Variants in STPG2 observed in about 807,000 individuals in gnomAD.
The protein encoded by STPG2 is sperm-tail PG-rich repeat-containing protein 2.
STPG2 carries 56 observed loss-of-function variants against 54.2 expected under a neutral mutation model. The ratio of observed to expected loss-of-function variants is 1.03; its 90% confidence interval spans 0.83 to 1.29. The LOEUF (loss-of-function observed/expected upper bound fraction) is 1.29. Among genes scored for constraint, STPG2 ranks in the 50% most tolerant of loss-of-function variants. The pLI is 0.00. For synonymous variants in STPG2, 200 were observed against 181.8 expected, an observed-to-expected ratio of 1.10 and a Z score of -0.81; for missense variants, 596 against 544.9, an observed-to-expected ratio of 1.09 and a Z score of -0.93.
At chr4:97,714,625 T>A (rs1464462075) in intron 9 of STPG2, among the ~76,000 whole-genome samples, 1 of 152,148 alleles carries the variant, frequency 6.6e-6, no homozygotes, top group Non-Finnish European at 1.5e-5. Context: ...TAATATAATT[T>A]ATATTTATAG....
At chr4:97,933,807 G>C (rs1363571340) in intron 8 of STPG2, among the ~76,000 whole-genome samples, 3 of 152,152 alleles carry the variant, frequency 2.0e-5, no homozygotes, top group Admixed American at 2.0e-4. Flanking sequence ...GATGCCTCCA[G>C]CTTTGCTCTT....
chr4:97,813,677 TAAAAAAAAA>T (rs869298230), intron 9 of STPG2, among the ~76,000 whole-genome samples: 46 of 45,938 alleles, frequency 1.0e-3, no homozygotes, highest in Middle Eastern at 0.025. Context: ...CCCTGTCTCT[TAAAAAAAAA>T]AAAAAAAAAA....
At chr4:97,896,626 C>A (rs1215364451) in intron 8 of STPG2, among the ~76,000 whole-genome samples, 1 of 151,708 alleles carries the variant, frequency 6.6e-6, no homozygotes, top group Non-Finnish European at 1.5e-5. Flanking sequence ...TTTATTCCTA[C>A]ATAAAAGTAA....
chr4:98,139,477 G>T (rs1172652352), intron 1 of STPG2, among the ~76,000 whole-genome samples: 1 of 152,146 alleles, frequency 6.6e-6, no homozygotes, highest in Non-Finnish European at 1.5e-5. Flanking sequence ...TCCATAAAAT[G>T]AACCTGACCC....
intron 5 of STPG2, among the ~76,000 whole-genome samples, chr4:98,085,502 G>A (rs1738478561): frequency 6.6e-6 from 1 of 151,924 alleles, no homozygotes; most frequent in African/African-American, 2.4e-5. Flanking sequence ...TAATAGTATT[G>A]CATCTTTCAA....
intron 9 of STPG2, among the ~76,000 whole-genome samples, chr4:97,743,260 T>C (rs905652183): frequency 2.0e-5 from 3 of 151,722 alleles, no homozygotes; most frequent in African/African-American, 7.2e-5. Context: ...TTTATTATTC[T>C]CCACACCTAG....
At chr4:98,022,880 A>G (rs1736271343) in intron 5 of STPG2, among the ~76,000 whole-genome samples, 1 of 152,116 alleles carries the variant, frequency 6.6e-6, no homozygotes, top group African/African-American at 2.4e-5. Flanking sequence ...AGCTCCTTTA[A>G]GCACTTCTCT....
chr4:97,901,158 A>C (rs1229623170), intron 8 of STPG2, among the ~76,000 whole-genome samples: 1 of 151,956 alleles, frequency 6.6e-6, no homozygotes, highest in African/African-American at 2.4e-5. Context: ...TATTTATATC[A>C]TTGTGTCCCA....
At chr4:98,018,494 T>G (rs1251046173) in intron 5 of STPG2, among the ~76,000 whole-genome samples, 1 of 152,218 alleles carries the variant, frequency 6.6e-6, no homozygotes, top group African/African-American at 2.4e-5. Flanking sequence ...GCATGTGTCT[T>G]TATAGCAGCA....
intron 5 of STPG2, among the ~76,000 whole-genome samples, chr4:98,074,600 T>C (rs953141718): frequency 4.6e-5 from 7 of 152,188 alleles, no homozygotes; most frequent in Admixed American, 2.6e-4. Context: ...CTATACCTTC[T>C]ATTCTTTTAC....
chr4:97,680,403 T>C (rs1722995962), intron 10 of STPG2, among the ~76,000 whole-genome samples: 1 of 151,976 alleles, frequency 6.6e-6, no homozygotes, highest in Non-Finnish European at 1.5e-5. Flanking sequence ...TGAATGGGAG[T>C]TCACTCATGA....
At chr4:97,963,619 C>T (rs919408321) in intron 7 of STPG2, among the ~76,000 whole-genome samples, 2 of 151,506 alleles carry the variant, frequency 1.3e-5, no homozygotes, top group African/African-American at 2.4e-5. Context: ...TGCACCATTG[C>T]ACTCCAGCCT....
At chr4:97,866,350 T>A (rs1005696808) in intron 8 of STPG2, among the ~76,000 whole-genome samples, 1 of 152,004 alleles carries the variant, frequency 6.6e-6, no homozygotes, top group Non-Finnish European at 1.5e-5. Flanking sequence ...TATCAAAGTA[T>A]CTCATATACC....
intron 10 of STPG2, among the ~76,000 whole-genome samples, chr4:97,564,302 C>T (rs1241314710): frequency 2.9e-4 from 43 of 149,972 alleles, no homozygotes; most frequent in Non-Finnish European, 5.8e-4. Flanking sequence ...CTTCCTCCAT[C>T]CTTTCATTTT....
rs193091541 is a variant in STPG2, at chr4:97,485,529, G to T, written c.462+227170C>A. ...GCAAAAGACCTCTACAATGAAAACT[G>T]CAGAACACTGATGAAATAAATCATA... On this transcript the variant is annotated intron_variant, in intron 4 of 4. Coordinates refer to the STPG2 transcript ENST00000522676. Among the ~76,000 whole-genome samples the T allele has an allele frequency of 2.8e-3, 429 of 151,610 alleles. 3 individuals carry two copies. The highest frequency in any genetic ancestry group is 9.6e-3 in the African/African-American group (397 of 41,442).
chr4:98,100,902 C>T (rs1003204450), intron 5 of STPG2, among the ~76,000 whole-genome samples: 5 of 151,964 alleles, frequency 3.3e-5, no homozygotes, highest in Non-Finnish European at 7.4e-5. Flanking sequence ...TTTCAAACTC[C>T]TGACCTCAAG....
intron 10 of STPG2, among the ~76,000 whole-genome samples, chr4:97,693,506 C>T (rs972165842): frequency 1.7e-4 from 26 of 152,052 alleles, no homozygotes; most frequent in African/African-American, 6.3e-4. Context: ...TATATATGCA[C>T]TAACACTGGA....
At chr4:97,620,843 C>T (rs1355993354) in intron 10 of STPG2, among the ~76,000 whole-genome samples, 4 of 152,034 alleles carry the variant, frequency 2.6e-5, no homozygotes, top group Admixed American at 2.6e-4. Context: ...TCTCTCATCA[C>T]CACATGGCAC....
chr4:97,679,449 C>T (rs1169824848), intron 10 of STPG2, among the ~76,000 whole-genome samples: 1 of 151,970 alleles, frequency 6.6e-6, no homozygotes, highest in East Asian at 1.9e-4. Flanking sequence ...TGTTCATGTC[C>T]TTTGCCCACT....
Sources: allele counts gnomAD v4.1 joint callset (sites outside exome capture counted in the v4.1 genomes callset), GRCh38; gene constraint gnomAD v4.1.1; transcripts MANE v1.5; gene names NCBI Gene and HGNC (gene_info 2026-07-23, HGNC 2026-07-21).